The following ATAD5 variants were observed in gnomAD, a reference collection of about 807,000 sequenced individuals.
The protein encoded by ATAD5 is ATPase family AAA domain-containing protein 5.
In ATAD5, 58 loss-of-function variants were observed where a neutral mutation model predicts 176.9. The observed-to-expected ratio is 0.33, with a 90% CI of 0.27 to 0.41. The LOEUF is 0.41. ATAD5 is among the 10% of genes least tolerant of loss of function. The probability of loss-of-function intolerance (pLI) is 1.00; values close to 1 mark genes in which losing one functional copy is unlikely to be tolerated. For missense variants in ATAD5, 1,789 were observed against 2,094.1 expected (o/e 0.85, Z 2.84); for synonymous variants, 640 against 712.6 (o/e 0.90, Z 1.62).
chr17:30,869,243 T>A lies in ATAD5; in HGVS notation c.3314-5T>A, dbSNP rs1908197421. The A allele has an allele frequency of 6.3e-7, 1 of 1,591,500 alleles. No homozygotes were observed. The highest frequency in any genetic ancestry group is 1.4e-5 in the African/African-American group (1 of 73,002). On this transcript the variant is annotated splice_polypyrimidine_tract_variant and splice_region_variant and intron_variant, in intron 12 of 22. Coordinates refer to ENST00000321990, the MANE Select transcript of ATAD5 (RefSeq NM_024857.5). The stretch of plus-strand genomic sequence containing the variant: ...CATTTTATATGCATTTGAATAATTT[T>A]TCAGATTTCTCGGGTGGCATAGACT...
At position 30,835,590 on chromosome 17, in the gene ATAD5, A is replaced by G. The variant is rs570617152; in HGVS notation, c.1509A>G (p.Lys503=). ...GKNREGNTQK[K]ETTFFLKEKQ... ...ACAGAGAGGGAAACACTCAAAAGAA[A>G]GAAACAACCTTTTTCTTAAAAGAGA... Residue 503 remains lysine (K), a synonymous_variant, in exon 2 of 23, where the codon AAA becomes AAG. Transcript: ENST00000321990. The G allele has an allele frequency of 3.1e-6, 5 of 1,612,296 alleles. No homozygotes were observed. In the South Asian group the frequency reaches 4.4e-5, roughly 14 times the overall value.
chr17:30,840,691 G>A lies in ATAD5; in HGVS notation c.2151G>A (p.Arg717=). ...AAGCAAAAGCTTTACACATCAGTAGGTCAAAGGTGACTGAAGAAATAGCGA... is the reference window on the plus strand; with the variant it reads ...AAGCAAAAGCTTTACACATCAGTAGATCAAAGGTGACTGAAGAAATAGCGA... ...IEKAKALHIS[R]SKVTEEIAIP... Residue 717 remains arginine (R), a synonymous_variant, in exon 4 of 23, where the codon AGG becomes AGA. Coordinates refer to ENST00000321990, the MANE Select transcript of ATAD5 (RefSeq NM_024857.5). 1 of 1,608,886 alleles carries A rather than the reference G, an allele frequency of 6.2e-7. No homozygotes were observed. Among genetic ancestry groups the A allele is most frequent in the South Asian group, 1.1e-5 (1 of 89,882 alleles).
chr17:30,838,271 T>G (rs1357126167), intron 3 of ATAD5, among the ~76,000 whole-genome samples: 1 of 152,204 alleles, frequency 6.6e-6, no homozygotes, highest in Non-Finnish European at 1.5e-5. Context: ...GGTACAGGTA[T>G]GTGTATTTCG....
At chr17:30,863,241 G>A (rs908770493) in intron 10 of ATAD5, among the ~76,000 whole-genome samples, 1 of 152,084 alleles carries the variant, frequency 6.6e-6, no homozygotes, top group African/African-American at 2.4e-5. Context: ...AAATGCCCAG[G>A]CTGGACTGTG....
In ATAD5 at chr17:30,868,318, G is replaced by T; in HGVS notation, c.3234-15G>T. ...ATATTCTGTGAATTATTTTTATTATGTTTTCTTGTGGCAGTTGGTTGAAAG... is the reference window on the plus strand; with the variant it reads ...ATATTCTGTGAATTATTTTTATTATTTTTTCTTGTGGCAGTTGGTTGAAAG... On this transcript the variant is annotated splice_polypyrimidine_tract_variant and intron_variant, in intron 11 of 22. Transcript: ENST00000321990. 1 of 1,548,912 alleles carries T rather than the reference G, an allele frequency of 6.5e-7. No homozygotes were observed.
intron 9 of ATAD5, among the ~76,000 whole-genome samples, chr17:30,860,170 C>T (rs1452609013): frequency 4.6e-5 from 7 of 152,086 alleles, no homozygotes; most frequent in Non-Finnish European, 1.0e-4. Context: ...ACTACAGGTG[C>T]ATGCCACCAC....
At chr17:30,849,837 TGAAAAA>T (rs996218255) in intron 6 of ATAD5, among the ~76,000 whole-genome samples, 2 of 152,134 alleles carry the variant, frequency 1.3e-5, no homozygotes, top group Admixed American at 6.6e-5. Context: ...AAGATAATCT[TGAAAAA>T]GAAGAAAAAT....
intron 18 of ATAD5, among the ~76,000 whole-genome samples, chr17:30,885,623 C>CTTTTTTTTTTTTT (rs778733612): frequency 2.7e-4 from 25 of 93,796 alleles, no homozygotes; most frequent in East Asian, 6.7e-4. Flanking sequence ...TTCCAACTTT[C>CTTTTTTTTTTTTT]TTTTTTTTTT....
chr17:30,850,364 T>C (rs1395067106), intron 6 of ATAD5, among the ~76,000 whole-genome samples: 1 of 149,250 alleles, frequency 6.7e-6, no homozygotes, highest in Non-Finnish European at 1.5e-5. Flanking sequence ...GAGACTTCTT[T>C]TTTTTTTTTT....
In ATAD5 at chr17:30,847,327, T is replaced by G. The variant is rs371156789; in HGVS notation, c.2450+2411T>G. Among the ~76,000 whole-genome samples, 635 of 150,566 alleles carry G rather than the reference T, an allele frequency of 4.2e-3. 2 individuals carry two copies. The highest frequency in any genetic ancestry group is 8.4e-3 in the African/African-American group (344 of 40,956). ...ATATGAATATGCCGCTATATATATA[T>G]AGAGAGAGAGAGAGAGAGAGAGAGA... On this transcript the variant is annotated intron_variant, in intron 6 of 22. Coordinates refer to ENST00000321990, the MANE Select transcript of ATAD5 (RefSeq NM_024857.5).
At chr17:30,866,649 T>C (rs979271518) in intron 11 of ATAD5, among the ~76,000 whole-genome samples, 4 of 151,922 alleles carry the variant, frequency 2.6e-5, no homozygotes, top group Non-Finnish European at 5.9e-5. Context: ...ACCCCATCTC[T>C]ACTAAAAATA....
intron 17 of ATAD5, 96 bp from the exon 18 acceptor site, chr17:30,879,327 G>A: frequency 1.4e-6 from 2 of 1,396,698 alleles, no homozygotes; most frequent in South Asian, 1.2e-5. Context: ...GGAGGCGGGT[G>A]CTGAATATTT....
In ATAD5 at chr17:30,857,080, T is replaced by A. The variant is rs777041561; in HGVS notation, c.2761T>A (p.Ser921Thr). The A allele has an allele frequency of 6.2e-7, 1 of 1,611,716 alleles. No individual in the cohort carries two copies. Among genetic ancestry groups the A allele is most frequent in the East Asian group, 2.2e-5 (1 of 44,772 alleles). Reference protein sequence around the residue: ...IALGEFSTLNSKLKSGNSAAV... With the variant: ...IALGEFSTLNTKLKSGNSAAV... Reference sequence around the variant, plus strand: ...TCTTGGTGAATTTTCAACATTGAATTCAAAGTTGAAAAGCGGTAACTCTGC... The same window carrying A: ...TCTTGGTGAATTTTCAACATTGAATACAAAGTTGAAAAGCGGTAACTCTGC... The change falls in exon 8 of 23, where the codon TCA becomes ACA. Residue 921 changes from serine (S) to threonine (T), a missense_variant. Transcript: ENST00000321990.
chr17:30,847,396 T>C (rs1273571343), intron 6 of ATAD5, among the ~76,000 whole-genome samples: 1 of 151,888 alleles, frequency 6.6e-6, no homozygotes, highest in Non-Finnish European at 1.5e-5. Context: ...AGTGGCGCGA[T>C]GTCCGCTCAC....
chr17:30,873,689 CTTTTT>C (rs775055653), intron 14 of ATAD5, among the ~76,000 whole-genome samples: 1 of 129,602 alleles, frequency 7.7e-6, no homozygotes, highest in Admixed American at 7.9e-5. Context: ...TAAAAATTGC[CTTTTT>C]TTTTTTTTTT....
chr17:30,866,734 G>A (rs1313543515), intron 11 of ATAD5, among the ~76,000 whole-genome samples: 3 of 151,994 alleles, frequency 2.0e-5, no homozygotes, highest in Non-Finnish European at 4.4e-5. Flanking sequence ...AGAATCGCCT[G>A]AACCCGGGAG....
At chr17:30,877,296 A>C in intron 15 of ATAD5, 120 bp from the exon 16 acceptor site, 2 of 701,036 alleles carry the variant, frequency 2.9e-6, no homozygotes, top group Non-Finnish European at 4.6e-6. Context: ...GGCATGAGCC[A>C]CCGCGCCCGT....
chr17:30,881,249 G>A (rs1908996447), intron 18 of ATAD5, among the ~76,000 whole-genome samples: 4 of 151,834 alleles, frequency 2.6e-5, no homozygotes, highest in Admixed American at 2.6e-4. Flanking sequence ...TTGTGGTCAG[G>A]TCAATTTTAC....
chr17:30,878,718 G>GGTTTTTTTTTTTTTT (rs1908812554), intron 17 of ATAD5, among the ~76,000 whole-genome samples: 1 of 56,836 alleles, frequency 1.8e-5, no homozygotes, highest in African/African-American at 6.6e-5. Flanking sequence ...GTTAGGTGGT[G>GGTTTTTTTTTTTTTT]TTTTTTTTTT....
Sources: allele counts gnomAD v4.1 joint callset (sites outside exome capture counted in the v4.1 genomes callset), GRCh38; gene constraint gnomAD v4.1.1; transcripts MANE v1.5; gene names NCBI Gene and HGNC (gene_info 2026-07-23, HGNC 2026-07-21).